Variants in CSMD3 observed in about 807,000 individuals in gnomAD.
CSMD3 encodes CUB and Sushi multiple domains 3, also known as CUB and sushi domain-containing protein 3.
In CSMD3, 177 loss-of-function variants were observed where a neutral mutation model predicts 435.2. That is an observed-to-expected ratio of 0.41 (90% confidence interval 0.36 to 0.46). The LOEUF (loss-of-function observed/expected upper bound fraction) is 0.46. Ranked by LOEUF, CSMD3 falls within the 20% of genes least tolerant of loss-of-function variation. CSMD3 has a pLI of 0.34. For synonymous variants in CSMD3, 1,656 were observed against 1,520.5 expected (o/e 1.09, Z -2.07); for missense variants, 4,265 against 4,504.6 (o/e 0.95, Z 1.52).
At chr8:112,895,125 C>T (rs974286175) in intron 10 of CSMD3, among the ~76,000 whole-genome samples, 2 of 151,278 alleles carry the variant, frequency 1.3e-5, no homozygotes, top group African/African-American at 4.8e-5. Context: ...TTGAGACAGT[C>T]TGGTGATATA....
chr8:112,829,766 T>G lies in CSMD3; in HGVS notation c.1779A>C (p.Glu593Asp). The G allele has an allele frequency of 1.2e-6, 2 of 1,610,420 alleles. No homozygotes were observed. The highest frequency in any genetic ancestry group is 1.7e-6 in the Non-Finnish European group (2 of 1,176,864). ...TNKVIQINFE[E>D]FDLEIGYDTL... Reference sequence around the variant, plus strand: ...TATCATAGCCAATCTCCAGATCAAATTCTTCAAAATTTATCTGGATAACCT... The same window carrying G: ...TATCATAGCCAATCTCCAGATCAAAGTCTTCAAAATTTATCTGGATAACCT... The change falls in exon 12 of 71, where the codon GAA becomes GAC. Residue 593 changes from glutamate to aspartate, a missense_variant. This residue lies in a region of CSMD3 where 731 missense variants were observed against 755.4 expected (regional missense o/e 0.97). Transcript: ENST00000297405.
At chr8:112,500,949 T>C (rs1402094944) in intron 30 of CSMD3, among the ~76,000 whole-genome samples, 1 of 152,068 alleles carries the variant, frequency 6.6e-6, no homozygotes, top group East Asian at 1.9e-4. Flanking sequence ...ACTATGTAAA[T>C]GTCATACCTG....
At chr8:112,341,363 G>GTTTTTTTTTTTTTTTTTT in intron 42 of CSMD3, 114 bp downstream of exon 42, 1 of 670,396 alleles carries the variant, frequency 1.5e-6, no homozygotes, top group Non-Finnish European at 2.4e-6. Context: ...CTTGGCTTAA[G>GTTTTTTTTTTTTTTTTTT]TTTTTTTTTT....
In CSMD3 at chr8:113,092,789, C is replaced by T. The variant is rs528683808; in HGVS notation, c.917+5967G>A. 8.6e-5 allele frequency among the ~76,000 whole-genome samples: 13 copies of T among 152,018 alleles called. No individual in the cohort carries two copies. In the East Asian group the frequency reaches 9.7e-4, roughly 11 times the overall value. The stretch of plus-strand genomic sequence containing the variant: ...TGTTTGATACTAGGTGGTGGTGGTG[C>T]GGTTCCCATAAATGCCTACCTCCAG... On this transcript the variant is annotated intron_variant, in intron 5 of 70. Transcript: ENST00000297405.
intron 29 of CSMD3, among the ~76,000 whole-genome samples, chr8:112,504,725 A>G (rs1388181656): frequency 6.6e-6 from 1 of 152,160 alleles, no homozygotes; most frequent in Non-Finnish European, 1.5e-5. Flanking sequence ...ACTTGCCTTA[A>G]CAACCTTCAA....
chr8:112,666,453 C>T (rs749049884), intron 16 of CSMD3, 38 bp from the exon 17 acceptor site: 3 of 1,585,098 alleles, frequency 1.9e-6, no homozygotes, highest in South Asian at 1.1e-5. Context: ...ATAAAACATT[C>T]AAGATAAATC....
chr8:112,371,312 A>G (rs1004762900), intron 38 of CSMD3, among the ~76,000 whole-genome samples: 1 of 152,198 alleles, frequency 6.6e-6, no homozygotes, highest in Non-Finnish European at 1.5e-5. Flanking sequence ...AACAATTCCC[A>G]TACAGAATAC....
In CSMD3 at chr8:113,319,578, T is replaced by C. The variant is rs535873865; in HGVS notation, c.179-4785A>G. Among the ~76,000 whole-genome samples, 3 of 152,218 alleles carry C rather than the reference T, an allele frequency of 2.0e-5. No individual in the cohort carries two copies. In the South Asian group the frequency reaches 6.2e-4, roughly 32 times the overall value. On this transcript the variant is annotated intron_variant, in intron 1 of 70. Transcript: ENST00000297405. Reference sequence around the variant, plus strand: ...TTTAGTTTAATGCTGTTCTGTTTATTTACTTTTGTTTTTGTAGTTTGAGCT... The same window carrying C: ...TTTAGTTTAATGCTGTTCTGTTTATCTACTTTTGTTTTTGTAGTTTGAGCT...
At chr8:113,008,865 T>A (rs2086154114) in intron 6 of CSMD3, among the ~76,000 whole-genome samples, 1 of 151,354 alleles carries the variant, frequency 6.6e-6, no homozygotes, top group Non-Finnish European at 1.5e-5. Flanking sequence ...TTTCTTCTAG[T>A]CTATAAATAA....
intron 3 of CSMD3, among the ~76,000 whole-genome samples, chr8:113,244,504 C>T (rs1030910539): frequency 3.3e-5 from 5 of 151,894 alleles, no homozygotes; most frequent in East Asian, 1.9e-4. Flanking sequence ...TTAGTAGAGA[C>T]GGGGTTTCAC....
At chr8:113,069,689 T>A (rs2089019685) in intron 5 of CSMD3, among the ~76,000 whole-genome samples, 1 of 152,116 alleles carries the variant, frequency 6.6e-6, no homozygotes, top group African/African-American at 2.4e-5. Context: ...CTCCTTCCCT[T>A]CCAGGGCACA....
At chr8:112,801,042 T>A (rs1270091830) in intron 12 of CSMD3, among the ~76,000 whole-genome samples, 2 of 151,870 alleles carry the variant, frequency 1.3e-5, no homozygotes, top group Non-Finnish European at 2.9e-5. Flanking sequence ...CCATCAAGAA[T>A]AGGAAAGAGG....
intron 66 of CSMD3, among the ~76,000 whole-genome samples, chr8:112,239,406 C>T (rs1247469659): frequency 6.6e-6 from 1 of 151,890 alleles, no homozygotes; most frequent in Admixed American, 6.6e-5. Context: ...TCAAATGGGC[C>T]TGAAATTTTT....
intron 7 of CSMD3, among the ~76,000 whole-genome samples, chr8:112,955,144 G>A (rs370236221): frequency 1.7e-4 from 26 of 151,472 alleles, no homozygotes; most frequent in African/African-American, 6.0e-4. Context: ...ATAGTGGGAA[G>A]GATTTAATAG....
chr8:112,814,468 C>T (rs1488189018), intron 12 of CSMD3, among the ~76,000 whole-genome samples: 1 of 152,152 alleles, frequency 6.6e-6, no homozygotes, highest in African/African-American at 2.4e-5. Flanking sequence ...AGCACTTGAT[C>T]TCTAAGGCCA....
At chr8:112,996,624 G>C (rs1008811007) in intron 6 of CSMD3, among the ~76,000 whole-genome samples, 1 of 151,574 alleles carries the variant, frequency 6.6e-6, no homozygotes, top group Admixed American at 6.6e-5. Flanking sequence ...ATATTTTGAA[G>C]AGAGTTTTGA....
intron 1 of CSMD3, among the ~76,000 whole-genome samples, chr8:113,401,512 A>C (rs2071677493): frequency 6.6e-6 from 1 of 151,704 alleles, no homozygotes; most frequent in African/African-American, 2.4e-5. Flanking sequence ...GTTCGCCTAC[A>C]TTTCACATAT....
chr8:112,355,251 A>G (rs1028269950), intron 38 of CSMD3, among the ~76,000 whole-genome samples: 5 of 152,210 alleles, frequency 3.3e-5, no homozygotes, highest in Admixed American at 2.6e-4. Context: ...GGAATTCTAG[A>G]AGAATATCTA....
chr8:113,377,111 G>T (rs992776351), intron 1 of CSMD3: 1 of 1,266,134 alleles, frequency 7.9e-7, no homozygotes, highest in Non-Finnish European at 1.0e-6. Context: ...AAGGGCTGCG[G>T]CGTCGTCCGG....
Sources: allele counts gnomAD v4.1 joint callset (sites outside exome capture counted in the v4.1 genomes callset), GRCh38; gene constraint gnomAD v4.1.1; regional missense constraint gnomAD v4.1.1; transcripts MANE v1.5; gene names NCBI Gene and HGNC (gene_info 2026-07-23, HGNC 2026-07-21).